The following LYST variants were observed in gnomAD, a reference collection of about 807,000 sequenced individuals.
LYST encodes the protein lysosomal-trafficking regulator.
Under a neutral mutation model 413.6 loss-of-function variants are expected in LYST, and 192 were observed. The ratio of observed to expected loss-of-function variants is 0.46; its 90% CI spans 0.41 to 0.52. LYST has a LOEUF of 0.52. LYST is among the 20% of genes least tolerant of loss of function. The pLI, the probability that LYST is intolerant of heterozygous loss-of-function variation, is 0.00. For missense variants in LYST, 3,815 were observed against 4,499.9 expected, an observed-to-expected ratio of 0.85 and a Z score of 4.35; for synonymous variants, 1,525 against 1,567.3, an observed-to-expected ratio of 0.97 and a Z score of 0.64.
intron 16 of LYST, among the ~76,000 whole-genome samples, chr1:235,777,848 T>C (rs1325667852): frequency 6.6e-6 from 1 of 152,050 alleles, no homozygotes; most frequent in Non-Finnish European, 1.5e-5. Context: ...AGGCAAAGGA[T>C]AGTTTCCATC....
chr1:235,693,920 T>C (rs1476365369), intron 46 of LYST, among the ~76,000 whole-genome samples: 1 of 152,116 alleles, frequency 6.6e-6, no homozygotes, highest in Non-Finnish European at 1.5e-5. Context: ...ACACCTAGCC[T>C]GAGAAGGGAT....
rs1475045851 is a variant in LYST, at chr1:235,787,251, T to C, written c.4811A>G (p.Gln1604Arg). The stretch of plus-strand genomic sequence containing the variant: ...TTTCCCATGAATCCTCCTTTTCCCT[T>C]GGGGCTGCTGTAAGTAGGTGAGTAC... The part of the protein sequence containing the change: ...HLVLTYLQQP[Q>R]GKRRIHGKIS... Residue 1604 changes from glutamine (Q) to arginine (R), a missense_variant, in exon 14 of 53, where the codon CAA becomes CGA. This residue lies in a region of LYST where 530 missense variants were observed against 696.5 expected (regional missense o/e 0.76). Coordinates refer to ENST00000389793, the MANE Select transcript of LYST (RefSeq NM_000081.4). 1 of 1,613,626 alleles carries C rather than the reference T, an allele frequency of 6.2e-7. No individual in the cohort carries two copies. Among genetic ancestry groups the C allele is most frequent in the Non-Finnish European group, 8.5e-7 (1 of 1,179,776 alleles).
At chr1:235,737,919 C>CAAGAAG in intron 31 of LYST, 4 of 1,160,710 alleles carry the variant, frequency 3.4e-6, no homozygotes, top group Non-Finnish European at 4.3e-6. Flanking sequence ...GCCGACGAGT[C>CAAGAAG]TGGATCTCAC....
At chr1:235,681,118 C>T (rs971165401) in intron 48 of LYST, among the ~76,000 whole-genome samples, 3 of 152,136 alleles carry the variant, frequency 2.0e-5, no homozygotes, top group Non-Finnish European at 4.4e-5. Flanking sequence ...ACAGATAAGT[C>T]GCTTCCTCAG....
At chr1:235,728,674 TG>T (rs1295131863) in intron 37 of LYST, among the ~76,000 whole-genome samples, 1 of 152,150 alleles carries the variant, frequency 6.6e-6, no homozygotes, top group Non-Finnish European at 1.5e-5. Flanking sequence ...TGTTTTAAAA[TG>T]TTGGGAACTT....
intron 28 of LYST, among the ~76,000 whole-genome samples, chr1:235,747,652 C>A (rs1019027182): frequency 9.9e-5 from 15 of 152,144 alleles, no homozygotes; most frequent in Non-Finnish European, 2.2e-4. Flanking sequence ...AGCTTTCATG[C>A]TGTACGTGCA....
At chr1:235,729,752 G>T in intron 36 of LYST, 95 bp from the exon 37 acceptor site, 2 of 868,294 alleles carry the variant, frequency 2.3e-6, no homozygotes, top group Non-Finnish European at 3.9e-6. Context: ...TTTCTGCAAA[G>T]CAGACTAGAT....
chr1:235,688,495 TC>T (rs1292790667), intron 47 of LYST, among the ~76,000 whole-genome samples: 2 of 152,216 alleles, frequency 1.3e-5, no homozygotes. Flanking sequence ...ACTTCTGTAG[TC>T]TACTTTTGGC....
intron 23 of LYST, 60 bp downstream of exon 23, chr1:235,758,910 TAG>T: frequency 1.3e-6 from 2 of 1,502,780 alleles, no homozygotes; most frequent in Non-Finnish European, 1.9e-6. Flanking sequence ...TCCAGAGGGG[TAG>T]AGAGTCTTTA....
intron 47 of LYST, among the ~76,000 whole-genome samples, chr1:235,688,808 C>A (rs1183263013): frequency 1.3e-5 from 2 of 151,868 alleles, no homozygotes; most frequent in African/African-American, 2.4e-5. Context: ...CATGGTGAAA[C>A]CCCGTCTCTA....
Position 235,825,844 on chromosome 1 carries a change from A to C in LYST, c.192+4382T>G, listed in dbSNP as rs1675270266. ...ACAAGTTGATTCTAAAATTTATATG[A>C]AAATATGAAGGATCTAGAATGGCCA... On this transcript the variant is annotated intron_variant, in intron 3 of 52. Transcript: ENST00000389793. Among the ~76,000 whole-genome samples the C allele has an allele frequency of 2.0e-5, 3 of 152,204 alleles. No homozygotes were observed. The South Asian group carries it at 6.2e-4, about 31-fold the overall frequency.
At chr1:235,757,158 G>A in intron 24 of LYST, 123 bp downstream of exon 24, 1 of 655,006 alleles carries the variant, frequency 1.5e-6, no homozygotes, top group East Asian at 2.9e-5. Flanking sequence ...AACTATATTA[G>A]TTCATTATTC....
At chr1:235,853,405 T>C (rs946300316) in intron 1 of LYST, among the ~76,000 whole-genome samples, 2 of 152,168 alleles carry the variant, frequency 1.3e-5, no homozygotes, top group Non-Finnish European at 2.9e-5. Flanking sequence ...CCTATATTTA[T>C]TCTGTATTAT....
chr1:235,809,335 T>C lies in LYST; in HGVS notation c.1483A>G (p.Met495Val), dbSNP rs2102884105. The C allele has an allele frequency of 1.2e-6, 2 of 1,614,068 alleles. No homozygotes were observed. Among genetic ancestry groups the C allele is most frequent in the East Asian group, 4.5e-5 (2 of 44,882 alleles). The change falls in exon 5 of 53, where the codon ATG (methionine) becomes GTG (valine). Residue 495 changes from methionine (M) to valine (V), a missense_variant. Transcript: ENST00000389793. The surrounding 1 kb of genome is among the most constrained non-coding windows in gnomAD (Gnocchi z 4.0). ...KVKSEQLHHS[M>V]CTRKRHRRCE... ...CGTCTGTGCCTTTTTCTTGTACACA[T>C]CGAATGATGAAGTTGCTCTGATTTC... is the stretch of plus-strand genomic sequence containing the variant.
chr1:235,692,892 G>A (rs1171598131), intron 47 of LYST, among the ~76,000 whole-genome samples: 5 of 152,094 alleles, frequency 3.3e-5, no homozygotes, highest in Middle Eastern at 3.4e-3. Context: ...ATGGTGGCAC[G>A]CACCTGTAGT....
chr1:235,867,903 C>A (rs1362691645), upstream of LYST, among the ~76,000 whole-genome samples: 1 of 152,174 alleles, frequency 6.6e-6, no homozygotes, highest in African/African-American at 2.4e-5. Context: ...TAATTTTTTG[C>A]ACAGGAATTA....
At position 235,702,783 on chromosome 1, in the gene LYST, C is replaced by T. The variant is rs756047217; in HGVS notation, c.10338G>A (p.Arg3446=). The change falls in exon 45 of 53, where the codon AGG becomes AGA. Residue 3446 remains arginine (R), a synonymous_variant. Coordinates refer to ENST00000389793, the MANE Select transcript of LYST (RefSeq NM_000081.4). ...AVGLLVQFAF[R]ETREQVKEIT... Reference sequence around the variant, plus strand: ...TTTCTTTGACCTGTTCTCGGGTCTCCCTGAAAGCAAACTGCACTAGCAACC... The same window carrying T: ...TTTCTTTGACCTGTTCTCGGGTCTCTCTGAAAGCAAACTGCACTAGCAACC... The T allele has an allele frequency of 1.9e-6, 3 of 1,614,010 alleles. No individual in the cohort carries two copies. Among genetic ancestry groups the T allele is most frequent in the East Asian group, 4.5e-5 (2 of 44,884 alleles).
At chr1:235,705,119 T>C (rs968280517) in intron 44 of LYST, among the ~76,000 whole-genome samples, 8 of 152,176 alleles carry the variant, frequency 5.3e-5, no homozygotes, top group African/African-American at 1.9e-4. Flanking sequence ...AGTTTGTACA[T>C]TTTGGTACAG....
Position 235,776,406 on chromosome 1 carries a change from G to T in LYST, c.5460+657C>A, listed in dbSNP as rs1350151361. ...ATAATGTTGCAAAAGTTATACTTAG[G>T]GATAAAACGAAGATGGCATTCCGAG... On this transcript the variant is annotated intron_variant, in intron 17 of 52. Coordinates refer to ENST00000389793, the MANE Select transcript of LYST (RefSeq NM_000081.4). Among the ~76,000 whole-genome samples, 3 of 152,140 alleles carry T rather than the reference G, an allele frequency of 2.0e-5. No individual in the cohort carries two copies. In the South Asian group the frequency reaches 6.2e-4, roughly 32 times the overall value.
Sources: gnomAD v4.1 joint callset for allele counts (sites outside exome capture counted in the v4.1 genomes callset) on GRCh38, gnomAD v4.1.1 for gene constraint, gnomAD v4.1.1 regional missense constraint, Gnocchi (gnomAD v3.1) non-coding constraint, MANE v1.5 for transcripts, NCBI Gene and HGNC (gene_info 2026-07-23, HGNC 2026-07-21) for gene names.